GRM7: variants seen among roughly 807,000 people sequenced by gnomAD.
GRM7 encodes the protein glutamate metabotropic receptor 7.
A neutral mutation model predicts 84.5 loss-of-function variants in GRM7; 35 were observed. That is an observed-to-expected ratio of 0.41 (90% CI 0.32 to 0.55). The LOEUF (loss-of-function observed/expected upper bound fraction) is 0.55, where lower values mean the gene tolerates loss of function less well. Among genes scored for constraint, GRM7 ranks in the 20% least tolerant of loss-of-function variants. The probability of loss-of-function intolerance (pLI) is 0.19; values close to 1 mark genes in which losing one functional copy is unlikely to be tolerated. For synonymous variants in GRM7, 487 were observed against 455.1 expected, an observed-to-expected ratio of 1.07 and a Z score of -0.89; for missense variants, 1,003 against 1,194.6, an observed-to-expected ratio of 0.84 and a Z score of 2.36.
rs575734824 is a variant in GRM7, at chr3:7,571,397, T to C, written c.1516-7025T>C. Reference sequence around the variant, plus strand: ...TGCTTTGCTGCTTAGAAATTTCTTCTGCCAGATACCCTAAATCATCTCTCT... The same window carrying C: ...TGCTTTGCTGCTTAGAAATTTCTTCCGCCAGATACCCTAAATCATCTCTCT... On this transcript the variant is annotated intron_variant, in intron 7 of 9. Transcript: ENST00000357716. 1.1e-4 allele frequency among the ~76,000 whole-genome samples: 17 copies of C among 152,302 alleles called. No homozygotes were observed. The East Asian group carries it at 2.1e-3, about 19-fold the overall frequency.
chr3:7,101,810 A>T (rs1699117777), intron 1 of GRM7, among the ~76,000 whole-genome samples: 1 of 147,990 alleles, frequency 6.8e-6, no homozygotes, highest in East Asian at 2.0e-4. Context: ...ATATAAATAT[A>T]TATTTATATC....
At chr3:7,097,734 A>C (rs1432023814) in intron 1 of GRM7, among the ~76,000 whole-genome samples, 1 of 152,174 alleles carries the variant, frequency 6.6e-6, no homozygotes, top group Non-Finnish European at 1.5e-5. Flanking sequence ...TGAGGTCACC[A>C]GAACTTCCAG....
chr3:7,262,270 T>C (rs1010925736), intron 2 of GRM7, among the ~76,000 whole-genome samples: 60 of 152,134 alleles, frequency 3.9e-4, no homozygotes, highest in African/African-American at 1.4e-3. Context: ...TAATCCCACA[T>C]TTCTCAGAGG....
rs530914588 is a variant in GRM7 at position 7,386,928 on chromosome 3, C to A, written c.1034-28095C>A. 2.0e-5 allele frequency among the ~76,000 whole-genome samples: 3 copies of A among 152,234 alleles called. No homozygotes were observed. The East Asian group carries it at 5.8e-4, about 29-fold the overall frequency. ...CTTTTCTCTGCAACCTCGCTAACAT[C>A]TGTTATGTTTTGATTTTTCAATAAA... is the stretch of plus-strand genomic sequence containing the variant. On this transcript the variant is annotated intron_variant, in intron 4 of 9. Transcript: ENST00000357716.
At chr3:7,163,463 A>C (rs1694700165) in intron 2 of GRM7, among the ~76,000 whole-genome samples, 1 of 152,230 alleles carries the variant, frequency 6.6e-6, no homozygotes, top group Non-Finnish European at 1.5e-5. Flanking sequence ...TCATTCATCA[A>C]GTACTTTGTG....
At chr3:7,563,170 A>G (rs575073567) in intron 7 of GRM7, among the ~76,000 whole-genome samples, 3 of 152,270 alleles carry the variant, frequency 2.0e-5, no homozygotes, top group Non-Finnish European at 2.9e-5. Context: ...TGAGCTGGTT[A>G]GAAAAGAAGA....
chr3:7,564,608 A>T lies in GRM7; in HGVS notation c.1516-13814A>T, dbSNP rs554610253. Among the ~76,000 whole-genome samples, 5 of 152,240 alleles carry T rather than the reference A, an allele frequency of 3.3e-5. No individual in the cohort carries two copies. In the East Asian group the frequency reaches 9.7e-4, roughly 29 times the overall value. ...AGGAGGACTGGGAATATTCATCTTAAAGTTCTTTGCATGAAATGTATTGAC... is the reference window on the plus strand; with the variant it reads ...AGGAGGACTGGGAATATTCATCTTATAGTTCTTTGCATGAAATGTATTGAC... On this transcript the variant is annotated intron_variant, in intron 7 of 9. Transcript: ENST00000357716.
chr3:7,202,911 T>G (rs1469733952), intron 2 of GRM7, among the ~76,000 whole-genome samples: 1 of 152,174 alleles, frequency 6.6e-6, no homozygotes, highest in African/African-American at 2.4e-5. Flanking sequence ...ACTGAAGTCT[T>G]CTTTCAAAAT....
At chr3:6,904,332 T>G (rs571662660) in intron 1 of GRM7, among the ~76,000 whole-genome samples, 8 of 152,272 alleles carry the variant, frequency 5.3e-5, no homozygotes, top group African/African-American at 1.9e-4. Context: ...TAGAATGATC[T>G]CTGAGGAAAA....
intron 4 of GRM7, among the ~76,000 whole-genome samples, chr3:7,354,698 T>C (rs561168228): frequency 2.4e-4 from 36 of 152,280 alleles, no homozygotes; most frequent in African/African-American, 7.9e-4. Context: ...TGGCAGTGAA[T>C]TGTCAAAGCC....
intron 1 of GRM7, among the ~76,000 whole-genome samples, chr3:7,093,363 A>T (rs1698734988): frequency 1.3e-5 from 2 of 151,676 alleles, no homozygotes; most frequent in Admixed American, 1.3e-4. Context: ...AAAAGAGGAA[A>T]TTCTTATACT....
rs1700194941 is a variant in GRM7, at chr3:7,306,386, T to G, written c.879-112T>G. The G allele has an allele frequency of 6.8e-5, 58 of 848,482 alleles. No individual in the cohort carries two copies. The South Asian group carries it at 9.2e-4, about 13-fold the overall frequency. The allele number at this position is 848,482 out of a possible 1,614,324, so 52.6% of individuals were successfully genotyped here. On this transcript the variant is annotated intron_variant, in intron 3 of 9. Transcript: ENST00000357716. ...AAATTCTTTATCAAGTTTTTTGCAA[T>G]TATTTACTTTTTGAGGAAGAATAGT...
intron 3 of GRM7, among the ~76,000 whole-genome samples, chr3:7,301,654 CT>C (rs2125026052): frequency 7.6e-6 from 1 of 131,784 alleles, no homozygotes; most frequent in South Asian, 2.6e-4. Context: ...TATACCCATT[CT>C]TTTTGCATTG....
chr3:6,982,100 G>C (rs1404599268), intron 1 of GRM7, among the ~76,000 whole-genome samples: 1 of 152,122 alleles, frequency 6.6e-6, no homozygotes, highest in Middle Eastern at 3.2e-3. Flanking sequence ...ATATACCAGG[G>C]AATACTACAC....
In GRM7 at chr3:7,740,969, CTG is replaced by C. The variant is rs1335171941; in HGVS notation, c.*565_*566del. ...CTAAAACAAGTACATCTGTACATGA[CTG>C]TATAATTACGATTATAGTACCACTG... On this transcript the variant is annotated 3_prime_UTR_variant, in exon 10 of 10. Coordinates refer to ENST00000357716, the MANE Select transcript of GRM7 (RefSeq NM_000844.4). 3 of 151,986 alleles carry C rather than the reference CTG, an allele frequency of 2.0e-5. No homozygotes were observed. The highest frequency in any genetic ancestry group is 4.4e-5 in the Non-Finnish European group (3 of 67,954). 9.4% of individuals were successfully genotyped at this position (151,986 alleles called of 1,614,324 possible).
chr3:7,664,292 C>CATGGA (rs1553633948), intron 8 of GRM7, among the ~76,000 whole-genome samples: 2 of 151,712 alleles, frequency 1.3e-5, no homozygotes, highest in African/African-American at 4.9e-5. Context: ...TTGTTGTAAT[C>CATGGA]GTGGAATAAA....
At chr3:7,006,603 A>T (rs1695189444) in intron 1 of GRM7, among the ~76,000 whole-genome samples, 3 of 152,170 alleles carry the variant, frequency 2.0e-5, no homozygotes, top group South Asian at 2.1e-4. Context: ...CTTTCTTATG[A>T]CTATTATTCA....
chr3:7,290,550 G>T (rs1010200919), intron 2 of GRM7, among the ~76,000 whole-genome samples: 1 of 152,144 alleles, frequency 6.6e-6, no homozygotes, highest in Non-Finnish European at 1.5e-5. Context: ...ATTAGCATGT[G>T]CAGATAGCAC....
chr3:7,074,968 A>T (rs1421998354), intron 1 of GRM7, among the ~76,000 whole-genome samples: 1 of 152,208 alleles, frequency 6.6e-6, no homozygotes, highest in Non-Finnish European at 1.5e-5. Context: ...ACTGCATCTC[A>T]CTTCAGTGAT....
Sources: gnomAD v4.1 joint callset for allele counts (sites outside exome capture counted in the v4.1 genomes callset) on GRCh38, gnomAD v4.1.1 for gene constraint, MANE v1.5 for transcripts, NCBI Gene and HGNC (gene_info 2026-07-23, HGNC 2026-07-21) for gene names.